Variants in TNFSF13B observed in about 807,000 individuals in gnomAD.
The protein encoded by TNFSF13B is TNF superfamily member 13b, also known as tumor necrosis factor ligand superfamily member 13B.
In TNFSF13B, 8 loss-of-function variants were observed where a neutral mutation model predicts 29.1. That is an observed-to-expected ratio of 0.27 (90% CI 0.16 to 0.50). The LOEUF (loss-of-function observed/expected upper bound fraction) is 0.50. TNFSF13B is among the 20% of genes least tolerant of loss of function. The pLI, the probability that TNFSF13B is intolerant of heterozygous loss-of-function variation, is 0.98. For synonymous variants in TNFSF13B, 125 were observed against 130.8 expected, an observed-to-expected ratio of 0.96 and a Z score of 0.30; for missense variants, 248 against 334.9, an observed-to-expected ratio of 0.74 and a Z score of 2.03.
intron 2 of TNFSF13B, among the ~76,000 whole-genome samples, chr13:108,270,678 C>T (rs1251983731): frequency 6.6e-6 from 1 of 152,108 alleles, no homozygotes; most frequent in Non-Finnish European, 1.5e-5. Flanking sequence ...AAGTATTTAT[C>T]TGTGCATTAA....
At position 108,269,766 on chromosome 13, in the gene TNFSF13B, T is replaced by C. The variant is rs1439821332; in HGVS notation, c.-130T>C. 7 of 837,624 alleles carry C rather than the reference T, an allele frequency of 8.4e-6. No individual in the cohort carries two copies. Among genetic ancestry groups the C allele is most frequent in the African/African-American group, 5.1e-5 (3 of 58,702 alleles). The allele number at this position is 837,624 out of a possible 1,614,324, so 51.9% of individuals were successfully genotyped here. A position where few individuals can be genotyped will look rare whatever the true frequency, so the allele number is the denominator to read the frequency against. The stretch of plus-strand genomic sequence containing the variant: ...GAAAGGAGAAAATTCAGGATAACTC[T>C]CCTGAGGGGTGAGCCAAGCCCTGCC... On this transcript the variant is annotated 5_prime_UTR_variant, in exon 1 of 6. Transcript: ENST00000375887.
intron 2 of TNFSF13B, among the ~76,000 whole-genome samples, chr13:108,271,577 T>G (rs1238908220): frequency 6.6e-6 from 1 of 152,146 alleles, no homozygotes; most frequent in African/African-American, 2.4e-5. Context: ...ACCATAATTT[T>G]TGGTATCTGG....
rs1057185655 is a variant in TNFSF13B, at chr13:108,270,533, A to G, written c.424+109A>G. The G allele has an allele frequency of 6.5e-6, 7 of 1,082,644 alleles. No homozygotes were observed. In the Admixed American group the frequency reaches 1.4e-4, roughly 22 times the overall value. The allele number at this position is 1,082,644 out of a possible 1,614,324, so 67.1% of individuals were successfully genotyped here. A position where few individuals can be genotyped will look rare whatever the true frequency, so the allele number is the denominator to read the frequency against. On this transcript the variant is annotated intron_variant, in intron 2 of 5. Transcript: ENST00000375887. ...TCTATGAACCTATTAAATAGAGACT[A>G]TGAAATTTGCCATCCAAAGCAGACA...
chr13:108,282,602 T>C (rs749313987), intron 2 of TNFSF13B, among the ~76,000 whole-genome samples: 1 of 152,236 alleles, frequency 6.6e-6, no homozygotes, highest in Non-Finnish European at 1.5e-5. Flanking sequence ...TGTCCTTAAA[T>C]TCTTATTTTG....
chr13:108,282,318 T>C (rs960970604), intron 2 of TNFSF13B, among the ~76,000 whole-genome samples: 2 of 152,252 alleles, frequency 1.3e-5, no homozygotes, highest in Non-Finnish European at 2.9e-5. Context: ...TGGTAGTTCA[T>C]ATTAGATTTA....
chr13:108,303,125 C>G, intron 3 of TNFSF13B, 128 bp from the exon 4 acceptor site: 6 of 701,470 alleles, frequency 8.6e-6, no homozygotes. Flanking sequence ...CCTTTTTTTT[C>G]TTTCTTTCTT....
At position 108,272,694 on chromosome 13, in the gene TNFSF13B, A is replaced by G. The variant is rs559737711; in HGVS notation, c.424+2270A>G. Among the ~76,000 whole-genome samples the G allele has an allele frequency of 2.3e-4, 35 of 151,800 alleles. No individual in the cohort carries two copies. The South Asian group carries it at 6.9e-3, about 30-fold the overall frequency. On this transcript the variant is annotated intron_variant, in intron 2 of 5. Coordinates refer to ENST00000375887, the MANE Select transcript of TNFSF13B (RefSeq NM_006573.5). ...AATCTATTTGAGACTCTTTTTTTTA[A>G]TTGATTATTCTATTTATATGCTTTA...
intron 2 of TNFSF13B, among the ~76,000 whole-genome samples, chr13:108,281,517 C>T (rs1055220587): frequency 2.0e-5 from 3 of 152,160 alleles, no homozygotes; most frequent in African/African-American, 7.2e-5. Context: ...ACCATCCTCA[C>T]CCTATGTCTT....
Position 108,299,212 on chromosome 13 carries a change from T to C in TNFSF13B, c.482-4041T>C, listed in dbSNP as rs1881543562. 3.4e-5 allele frequency among the ~76,000 whole-genome samples: 5 copies of C among 146,150 alleles called. No homozygotes were observed. In the South Asian group the frequency reaches 1.1e-3, roughly 31 times the overall value. On this transcript the variant is annotated intron_variant, in intron 3 of 5. Transcript: ENST00000375887. The stretch of plus-strand genomic sequence containing the variant: ...ATTTCAAATTCCACTTGTTTATTAC[T>C]GGTAGAAAAGTGTTAGATCACTGGT...
chr13:108,301,967 A>G (rs1234361555), intron 3 of TNFSF13B, among the ~76,000 whole-genome samples: 1 of 152,216 alleles, frequency 6.6e-6, no homozygotes, highest in Non-Finnish European at 1.5e-5. Flanking sequence ...AAAAGTTTAA[A>G]TATGTTTGGT....
chr13:108,273,585 G>A (rs1251766599), intron 2 of TNFSF13B, among the ~76,000 whole-genome samples: 1 of 152,104 alleles, frequency 6.6e-6, no homozygotes, highest in Non-Finnish European at 1.5e-5. Context: ...GCCACCTCCT[G>A]TTGCTACTGC....
intron 5 of TNFSF13B, among the ~76,000 whole-genome samples, chr13:108,306,068 T>C (rs772217855): frequency 1.8e-4 from 27 of 152,156 alleles, no homozygotes; most frequent in Admixed American, 1.0e-3. Context: ...TGAAGTGGGG[T>C]AAATAATTAC....
intron 5 of TNFSF13B, among the ~76,000 whole-genome samples, chr13:108,306,500 T>A (rs1428436793): frequency 1.3e-5 from 2 of 152,032 alleles, no homozygotes; most frequent in Non-Finnish European, 2.9e-5. Context: ...AACTCATCAC[T>A]AATAATTTAA....
intron 2 of TNFSF13B, among the ~76,000 whole-genome samples, chr13:108,275,936 A>G (rs949989013): frequency 6.6e-6 from 1 of 152,234 alleles, no homozygotes; most frequent in African/African-American, 2.4e-5. Flanking sequence ...ATATATAAAC[A>G]CCAAATATTA....
In TNFSF13B at chr13:108,295,238, G is replaced by A. The variant is rs561355958; in HGVS notation, c.482-8015G>A. On this transcript the variant is annotated intron_variant, in intron 3 of 5. Coordinates refer to ENST00000375887, the MANE Select transcript of TNFSF13B (RefSeq NM_006573.5). ...CACCCAGCCTGGAGTGCAATGGTGC[G>A]ATCTCGGCTCACTGCAACCTTTGCC... Among the ~76,000 whole-genome samples, 2 of 145,250 alleles carry A rather than the reference G, an allele frequency of 1.4e-5. 1 individual carries two copies. Among genetic ancestry groups the A allele is most frequent in the Non-Finnish European group, 3.1e-5 (2 of 65,466 alleles).
intron 2 of TNFSF13B, among the ~76,000 whole-genome samples, chr13:108,276,779 T>C (rs1361823685): frequency 6.6e-6 from 1 of 152,186 alleles, no homozygotes; most frequent in Non-Finnish European, 1.5e-5. Context: ...TTTTTTAACA[T>C]TGCAGACATG....
chr13:108,288,482 C>A (rs1881206512), intron 3 of TNFSF13B, among the ~76,000 whole-genome samples: 2 of 152,124 alleles, frequency 1.3e-5, no homozygotes, highest in African/African-American at 4.8e-5. Flanking sequence ...AGAACACTTA[C>A]ATTAGTCTAC....
At position 108,298,346 on chromosome 13, in the gene TNFSF13B, G is replaced by A. The variant is rs189553914; in HGVS notation, c.482-4907G>A. On this transcript the variant is annotated intron_variant, in intron 3 of 5. Transcript: ENST00000375887. ...GAGACCCCCCAGGATACATTAAACT[G>A]ATGAACATATGCATTATGAGAGTCA... 1.9e-3 allele frequency among the ~76,000 whole-genome samples: 277 copies of A among 145,618 alleles called. 36 individuals carry two copies. Among genetic ancestry groups the A allele is most frequent in the African/African-American group, 6.7e-3 (259 of 38,730 alleles).
At chr13:108,298,142 G>T (rs893279171) in intron 3 of TNFSF13B, among the ~76,000 whole-genome samples, 1 of 144,876 alleles carries the variant, frequency 6.9e-6, no homozygotes, top group Non-Finnish European at 1.5e-5. Context: ...TATCAGTGTA[G>T]GTTTATCAAT....
Sources: gnomAD v4.1 joint callset for allele counts (sites outside exome capture counted in the v4.1 genomes callset) on GRCh38, gnomAD v4.1.1 for gene constraint, MANE v1.5 for transcripts, NCBI Gene and HGNC (gene_info 2026-07-23, HGNC 2026-07-21) for gene names.